Variants in FLT1 observed in about 807,000 individuals in gnomAD.
FLT1 encodes the protein fms related receptor tyrosine kinase 1, also known as vascular endothelial growth factor receptor 1.
FLT1 carries 49 observed loss-of-function variants against 156.3 expected under a neutral mutation model. That is an observed-to-expected ratio of 0.31 (90% CI 0.25 to 0.40). The LOEUF is 0.40. FLT1 is among the 10% of genes least tolerant of loss of function. The pLI is 1.00. For synonymous variants in FLT1, 594 were observed against 583.8 expected (o/e 1.02, Z -0.25); for missense variants, 1,322 against 1,637.2 (o/e 0.81, Z 3.32).
chr13:28,407,057 T>C (rs1034089740), intron 10 of FLT1, among the ~76,000 whole-genome samples: 39 of 152,088 alleles, frequency 2.6e-4, no homozygotes, highest in African/African-American at 9.2e-4. Context: ...ACCTTTTAAG[T>C]GCTGACTTAA....
At chr13:28,467,178 G>T in intron 2 of FLT1, 49 bp from the exon 3 acceptor site, 1 of 1,367,664 alleles carries the variant, frequency 7.3e-7, no homozygotes, top group Non-Finnish European at 1.0e-6. Context: ...TGGGCCCTAG[G>T]CTCAGCACCA....
At chr13:28,460,410 A>G (rs1879498021) in intron 3 of FLT1, among the ~76,000 whole-genome samples, 1 of 142,774 alleles carries the variant, frequency 7.0e-6, no homozygotes, top group Non-Finnish European at 1.6e-5. Flanking sequence ...TTTGCTTTTT[A>G]TGTCTCTCAC....
chr13:28,385,440 G>T, intron 13 of FLT1: 1 of 793,478 alleles, frequency 1.3e-6, no homozygotes, highest in Non-Finnish European at 1.5e-6. Flanking sequence ...TGTAGTGATA[G>T]GCTAATATAA....
chr13:28,367,357 G>A (rs1343224199), intron 14 of FLT1, among the ~76,000 whole-genome samples: 2 of 152,228 alleles, frequency 1.3e-5, no homozygotes, highest in African/African-American at 4.8e-5. Flanking sequence ...GAAACTCAGT[G>A]TGAGGATTTG....
chr13:28,408,669 T>C (rs535916787), intron 10 of FLT1, among the ~76,000 whole-genome samples: 1 of 152,240 alleles, frequency 6.6e-6, no homozygotes, highest in East Asian at 1.9e-4. Context: ...GAAAGCAGCG[T>C]TCGCTCCTGA....
At chr13:28,399,047 C>T (rs1207236224) in intron 11 of FLT1, 20 of 1,548,570 alleles carry the variant, frequency 1.3e-5, no homozygotes, top group Middle Eastern at 3.3e-4. Flanking sequence ...TTTAGAGTCA[C>T]GGAAGGAAAT....
At chr13:28,389,553 G>T in intron 13 of FLT1, 1 of 1,434,282 alleles carries the variant, frequency 7.0e-7, no homozygotes, top group Non-Finnish European at 9.1e-7. Flanking sequence ...TGAATGGGGG[G>T]CCCAGAGCTG....
At chr13:28,411,096 T>C (rs1876141643) in intron 10 of FLT1, among the ~76,000 whole-genome samples, 1 of 152,086 alleles carries the variant, frequency 6.6e-6, no homozygotes, top group Admixed American at 6.6e-5. Flanking sequence ...AGAAAGAAGA[T>C]GTGCCTGTCT....
At chr13:28,304,263 A>G (rs900436465) in intron 29 of FLT1, among the ~76,000 whole-genome samples, 2 of 152,186 alleles carry the variant, frequency 1.3e-5, no homozygotes, top group Non-Finnish European at 2.9e-5. Context: ...CAAGTATCCT[A>G]CCTTCCCCTT....
At chr13:28,485,407 T>C (rs1413256828) in intron 1 of FLT1, among the ~76,000 whole-genome samples, 2 of 152,114 alleles carry the variant, frequency 1.3e-5, no homozygotes, top group African/African-American at 4.8e-5. Context: ...AAAACAAAAT[T>C]TGAATTAAGA....
Position 28,322,739 on chromosome 13 carries a change from T to A in FLT1, c.2953+51A>T. The A allele has an allele frequency of 6.4e-7, 1 of 1,565,364 alleles. No individual in the cohort carries two copies. The highest frequency in any genetic ancestry group is 8.8e-7 in the Non-Finnish European group (1 of 1,137,546). ...AGAAAAAAATTTCAGAGATGCATAGTATGTTGTAAAAATATCTCAGCGCGT... is the reference window on the plus strand; with the variant it reads ...AGAAAAAAATTTCAGAGATGCATAGAATGTTGTAAAAATATCTCAGCGCGT... On this transcript the variant is annotated intron_variant, in intron 21 of 29. Transcript: ENST00000282397. The surrounding 1 kb of genome is among the most constrained non-coding windows in gnomAD (Gnocchi z 4.3).
chr13:28,411,526 A>G (rs1876177152), intron 10 of FLT1, among the ~76,000 whole-genome samples: 1 of 148,030 alleles, frequency 6.8e-6, no homozygotes, highest in Non-Finnish European at 1.5e-5. Context: ...AGCCTGGTCA[A>G]GAAGAGCGAA....
intron 3 of FLT1, among the ~76,000 whole-genome samples, chr13:28,459,922 C>T (rs565912504): frequency 1.3e-5 from 2 of 152,364 alleles, no homozygotes; most frequent in African/African-American, 4.8e-5. Flanking sequence ...GCCCACATTC[C>T]TGGTGCATTT....
chr13:28,472,560 C>T (rs907851173), intron 1 of FLT1, among the ~76,000 whole-genome samples: 2 of 152,152 alleles, frequency 1.3e-5, no homozygotes, highest in African/African-American at 4.8e-5. Flanking sequence ...AAGACAAATC[C>T]CCTGGTTTCT....
At chr13:28,402,524 A>G (rs1875506275) in intron 11 of FLT1, among the ~76,000 whole-genome samples, 1 of 152,090 alleles carries the variant, frequency 6.6e-6, no homozygotes, top group Non-Finnish European at 1.5e-5. Flanking sequence ...ATATATTACA[A>G]TTACAACTGC....
chr13:28,401,262 T>C (rs1007178558), intron 11 of FLT1, among the ~76,000 whole-genome samples: 1 of 152,234 alleles, frequency 6.6e-6, no homozygotes, highest in Non-Finnish European at 1.5e-5. Flanking sequence ...ACTCATGCTT[T>C]CTACTCTTCA....
Position 28,494,654 on chromosome 13 carries a change from C to A in FLT1, c.64+126G>T, listed in dbSNP as rs768014545. The A allele has an allele frequency of 1.7e-5, 12 of 717,602 alleles. No homozygotes were observed. The African/African-American group carries it at 1.9e-4, about 11-fold the overall frequency. The allele number at this position is 717,602 out of a possible 1,614,324, so 44.5% of individuals were successfully genotyped here. Reference sequence around the variant, plus strand: ...TGCAACTAGTGTCCCAGGTTCTCGCCGTAGCCAGCTTCTCCGGGCTACAGC... The same window carrying A: ...TGCAACTAGTGTCCCAGGTTCTCGCAGTAGCCAGCTTCTCCGGGCTACAGC... On this transcript the variant is annotated intron_variant, in intron 1 of 29. Coordinates refer to ENST00000282397, the MANE Select transcript of FLT1 (RefSeq NM_002019.4).
intron 16 of FLT1, among the ~76,000 whole-genome samples, chr13:28,340,214 TAAAA>T (rs58243230): frequency 7.4e-6 from 1 of 134,898 alleles, no homozygotes; most frequent in Non-Finnish European, 1.6e-5. Flanking sequence ...GACTCTGTCT[TAAAA>T]AAAAAAAAAA....
intron 24 of FLT1, among the ~76,000 whole-genome samples, chr13:28,317,820 A>G (rs996192305): frequency 6.6e-6 from 1 of 152,198 alleles, no homozygotes; most frequent in African/African-American, 2.4e-5. Context: ...GGTGCGGGGC[A>G]CCTGGTGCTC....
Sources: gnomAD v4.1 joint callset for allele counts (sites outside exome capture counted in the v4.1 genomes callset) on GRCh38, gnomAD v4.1.1 for gene constraint, Gnocchi (gnomAD v3.1) non-coding constraint, MANE v1.5 for transcripts, NCBI Gene and HGNC (gene_info 2026-07-23, HGNC 2026-07-21) for gene names.